Variants in SDK1 observed in about 807,000 individuals in gnomAD.
SDK1 encodes the protein protein sidekick-1.
A neutral mutation model predicts 245.5 loss-of-function variants in SDK1; 157 were observed. The ratio of observed to expected loss-of-function variants is 0.64; its 90% confidence interval spans 0.56 to 0.73. The LOEUF is 0.73. Among genes scored for constraint, SDK1 ranks in the 30% least tolerant of loss-of-function variants. SDK1 has a pLI of 0.00. For synonymous variants in SDK1, 1,647 were observed against 1,278.5 expected, an observed-to-expected ratio of 1.29 and a Z score of -6.15; for missense variants, 3,583 against 3,002.3, an observed-to-expected ratio of 1.19 and a Z score of -4.52.
intron 5 of SDK1, among the ~76,000 whole-genome samples, chr7:3,926,633 C>T (rs1400434665): frequency 2.0e-5 from 3 of 152,120 alleles, no homozygotes; most frequent in African/African-American, 7.2e-5. Flanking sequence ...CCCACCTTGG[C>T]CTTCTACAGT....
At chr7:3,506,385 C>G (rs1043690024) in intron 1 of SDK1, among the ~76,000 whole-genome samples, 9 of 152,084 alleles carry the variant, frequency 5.9e-5, no homozygotes, top group African/African-American at 2.2e-4. Context: ...TATTTTTTCC[C>G]TTTGTTTGCT....
intron 5 of SDK1, among the ~76,000 whole-genome samples, chr7:3,844,623 C>G (rs946311019): frequency 2.0e-5 from 3 of 152,170 alleles, no homozygotes; most frequent in African/African-American, 7.2e-5. Context: ...AAACCCGCTT[C>G]CCTAACTATA....
At chr7:3,705,996 A>G (rs936173115) in intron 4 of SDK1, among the ~76,000 whole-genome samples, 1 of 152,144 alleles carries the variant, frequency 6.6e-6, no homozygotes, top group African/African-American at 2.4e-5. Flanking sequence ...GATTTTATCG[A>G]ATGTCTTTTC....
intron 4 of SDK1, among the ~76,000 whole-genome samples, chr7:3,808,116 G>T (rs1779296303): frequency 6.6e-6 from 1 of 152,176 alleles, no homozygotes; most frequent in Non-Finnish European, 1.5e-5. Context: ...TGCTGCAAGG[G>T]AATTTGAATC....
chr7:3,962,157 C>G (rs534697046), intron 8 of SDK1, among the ~76,000 whole-genome samples: 27 of 152,318 alleles, frequency 1.8e-4, no homozygotes, highest in African/African-American at 6.3e-4. Context: ...TATCACTAAC[C>G]TGCATGTGAG....
intron 1 of SDK1, among the ~76,000 whole-genome samples, chr7:3,354,015 C>T (rs2128558954): frequency 6.8e-6 from 1 of 147,940 alleles, no homozygotes; most frequent in East Asian, 2.0e-4. Context: ...TTTTTTGGGA[C>T]AGACTCTCGC....
intron 10 of SDK1, among the ~76,000 whole-genome samples, chr7:3,967,768 C>T (rs1020238968): frequency 1.7e-4 from 26 of 152,198 alleles, no homozygotes; most frequent in African/African-American, 5.3e-4. Flanking sequence ...TCTAATGCTG[C>T]TGCCGAGCTG....
intron 2 of SDK1, among the ~76,000 whole-genome samples, chr7:3,629,904 A>G (rs1469599120): frequency 4.6e-5 from 7 of 152,268 alleles, no homozygotes; most frequent in East Asian, 1.9e-4. Flanking sequence ...TGAAACAGTT[A>G]TAACTGTATT....
At chr7:3,963,757 T>C (rs2128130301) in intron 9 of SDK1, among the ~76,000 whole-genome samples, 1 of 151,794 alleles carries the variant, frequency 6.6e-6, no homozygotes, top group African/African-American at 2.4e-5. Flanking sequence ...GCTATCTGGA[T>C]GTAACCAGTG....
intron 43 of SDK1, 45 bp from the exon 44 acceptor site, chr7:4,245,631 C>A (rs752907577): frequency 6.3e-7 from 1 of 1,599,440 alleles, no homozygotes; most frequent in Non-Finnish European, 8.6e-7. Context: ...CGGGGAAGGG[C>A]GTCTTTTGCC....
intron 1 of SDK1, among the ~76,000 whole-genome samples, chr7:3,341,380 T>C (rs1165267760): frequency 1.3e-5 from 2 of 152,144 alleles, no homozygotes; most frequent in South Asian, 2.1e-4. Context: ...AACAAAAGCC[T>C]TCTCCAGCTA....
chr7:3,959,789 T>C (rs1256066185), intron 8 of SDK1, among the ~76,000 whole-genome samples: 1 of 152,090 alleles, frequency 6.6e-6, no homozygotes, highest in Non-Finnish European at 1.5e-5. Flanking sequence ...ATAGGAAATG[T>C]TACCTTTTTT....
At position 3,765,046 on chromosome 7, in the gene SDK1, TAAAAC is replaced by T. The variant is rs1026694363; in HGVS notation, c.714-56398_714-56394del. Among the ~76,000 whole-genome samples, 7 of 152,140 alleles carry T rather than the reference TAAAAC, an allele frequency of 4.6e-5. No homozygotes were observed. In the East Asian group the frequency reaches 5.8e-4, roughly 13 times the overall value. On this transcript the variant is annotated intron_variant, in intron 4 of 44. Transcript: ENST00000404826. ...TGGTAAGTGTACATATATAACAACATAAAACAAAACTTTTTGGTTTTCTTTTAATA... is the reference window on the plus strand; with the variant it reads ...TGGTAAGTGTACATATATAACAACATAAAACTTTTTGGTTTTCTTTTAATA...
At chr7:4,134,355 C>A (rs977045654) in intron 28 of SDK1, among the ~76,000 whole-genome samples, 1 of 152,136 alleles carries the variant, frequency 6.6e-6, no homozygotes, top group African/African-American at 2.4e-5. Context: ...CCTGGCCCGG[C>A]GGAGAGGGAG....
intron 14 of SDK1, among the ~76,000 whole-genome samples, chr7:3,997,803 C>G (rs552930724): frequency 2.0e-4 from 30 of 152,264 alleles, no homozygotes; most frequent in African/African-American, 6.7e-4. Context: ...AAGGTGGGGC[C>G]TCACCGGAGA....
chr7:4,004,006 T>C (rs1016474731), intron 14 of SDK1, among the ~76,000 whole-genome samples: 10 of 152,258 alleles, frequency 6.6e-5, no homozygotes, highest in African/African-American at 2.4e-4. Context: ...GGAGCATTAA[T>C]GGAGAGTGGA....
intron 1 of SDK1, among the ~76,000 whole-genome samples, chr7:3,501,174 G>A (rs1782198931): frequency 6.6e-6 from 1 of 152,118 alleles, no homozygotes; most frequent in Non-Finnish European, 1.5e-5. Context: ...ATTGCAGGGT[G>A]ATCTGCTTGA....
intron 4 of SDK1, among the ~76,000 whole-genome samples, chr7:3,734,100 C>T (rs906697932): frequency 1.3e-5 from 2 of 152,152 alleles, no homozygotes; most frequent in Non-Finnish European, 2.9e-5. Flanking sequence ...GATGAAGGCT[C>T]GTGGAACACA....
chr7:4,132,996 G>A (rs1022346814), intron 28 of SDK1, among the ~76,000 whole-genome samples: 1 of 152,086 alleles, frequency 6.6e-6, no homozygotes, highest in African/African-American at 2.4e-5. Flanking sequence ...GTTTGTAACC[G>A]ACCTTCCCTT....
Sources: gnomAD v4.1 joint callset for allele counts (sites outside exome capture counted in the v4.1 genomes callset) on GRCh38, gnomAD v4.1.1 for gene constraint, MANE v1.5 for transcripts, NCBI Gene and HGNC (gene_info 2026-07-23, HGNC 2026-07-21) for gene names.